ST3GAL3: variants seen among roughly 807,000 people sequenced by gnomAD.
The protein encoded by ST3GAL3 is ST3 beta-galactoside alpha-2,3-sialyltransferase 3.
Under a neutral mutation model 50.1 loss-of-function variants are expected in ST3GAL3, and 21 were observed. The observed-to-expected ratio is 0.42, with a 90% CI of 0.30 to 0.60. The LOEUF (loss-of-function observed/expected upper bound fraction) is 0.60. Among genes scored for constraint, ST3GAL3 ranks in the 20% least tolerant of loss-of-function variants. ST3GAL3 has a pLI of 0.19. For missense variants in ST3GAL3, 353 were observed against 489.4 expected (o/e 0.72, Z 2.63); for synonymous variants, 183 against 190.0 (o/e 0.96, Z 0.30).
At chr1:43,747,598 G>T (rs1439529248) in intron 2 of ST3GAL3, among the ~76,000 whole-genome samples, 1 of 121,056 alleles carries the variant, frequency 8.3e-6, no homozygotes. Flanking sequence ...ATGGAGTCTC[G>T]CTCTGTTGCC....
At chr1:43,918,179 C>T (rs72888771) in intron 9 of ST3GAL3, among the ~76,000 whole-genome samples, 7,209 of 136,158 alleles carry the variant, frequency 0.053, 584 homozygotes, top group African/African-American at 0.18. Flanking sequence ...TGTGCAGTGG[C>T]GTGATGATGA....
chr1:43,824,603 G>A (rs960631555), intron 4 of ST3GAL3: 4 of 1,071,824 alleles, frequency 3.7e-6, no homozygotes, highest in Admixed American at 3.4e-5. Flanking sequence ...GCATAGCATT[G>A]CAGGATTTGG....
intron 1 of ST3GAL3, among the ~76,000 whole-genome samples, chr1:43,730,038 C>T (rs535832258): frequency 1.3e-5 from 2 of 152,290 alleles, no homozygotes; most frequent in South Asian, 2.1e-4. Context: ...CACAGGATCT[C>T]GGGATATTGT....
At chr1:43,907,758 C>A (rs866865497) in intron 9 of ST3GAL3, among the ~76,000 whole-genome samples, 2 of 152,170 alleles carry the variant, frequency 1.3e-5, no homozygotes, top group East Asian at 1.9e-4. Flanking sequence ...TCCTTTCTCA[C>A]CTCTTTGCCG....
intron 3 of ST3GAL3, among the ~76,000 whole-genome samples, chr1:43,810,864 C>T (rs934015215): frequency 1.7e-4 from 26 of 152,062 alleles, no homozygotes; most frequent in African/African-American, 5.3e-4. Context: ...GGAGAGAGTA[C>T]AGGCAATAGA....
intron 2 of ST3GAL3, among the ~76,000 whole-genome samples, chr1:43,769,821 A>G (rs1393291540): frequency 6.6e-6 from 1 of 152,172 alleles, no homozygotes; most frequent in African/African-American, 2.4e-5. Flanking sequence ...TAGGTATAAA[A>G]GGATGTTGTA....
At chr1:43,759,104 C>A (rs1402514543) in intron 2 of ST3GAL3, among the ~76,000 whole-genome samples, 1 of 149,132 alleles carries the variant, frequency 6.7e-6, no homozygotes, top group Non-Finnish European at 1.5e-5. Context: ...CACACACACA[C>A]ACAGAAGGGG....
intron 5 of ST3GAL3, among the ~76,000 whole-genome samples, chr1:43,884,368 A>AATTC (rs753336666): frequency 1.3e-5 from 2 of 152,226 alleles, no homozygotes; most frequent in Admixed American, 6.5e-5. Flanking sequence ...TCTCCCATGG[A>AATTC]ATTCATTCAA....
intron 4 of ST3GAL3, among the ~76,000 whole-genome samples, chr1:43,815,398 G>A (rs959848200): frequency 1.3e-5 from 2 of 152,122 alleles, no homozygotes; most frequent in African/African-American, 4.8e-5. Context: ...CTTTGCATGT[G>A]CTTGTTATCT....
Position 43,878,894 on chromosome 1 carries a change from G to T in ST3GAL3, c.303-15489G>T, listed in dbSNP as rs56901852. 2,632 of 383,188 alleles carry T rather than the reference G, an allele frequency of 6.9e-3. 51 individuals are homozygous for T. Among genetic ancestry groups the T allele is most frequent in the African/African-American group, 0.051 (2,429 of 47,612 alleles). The allele number at this position is 383,188 out of a possible 1,614,324, so 23.7% of individuals were successfully genotyped here. On this transcript the variant is annotated intron_variant, in intron 5 of 11. Coordinates refer to ENST00000347631, the MANE Select transcript of ST3GAL3 (RefSeq NM_006279.5). The stretch of plus-strand genomic sequence containing the variant: ...TAGGCACAATTCTAAGTACTGGGGG[G>T]CATGACAGTGAACAGAATGGGCAGC...
At chr1:43,858,015 T>C in intron 5 of ST3GAL3, 1 of 622,816 alleles carries the variant, frequency 1.6e-6, no homozygotes, top group South Asian at 1.7e-5. Context: ...CGATCCCTCT[T>C]CACAGATGGT....
At chr1:43,763,708 A>G (rs1453834723) in intron 2 of ST3GAL3, among the ~76,000 whole-genome samples, 1 of 152,168 alleles carries the variant, frequency 6.6e-6, no homozygotes, top group Non-Finnish European at 1.5e-5. Flanking sequence ...TAGTTCTTCA[A>G]CTCACTTACT....
rs559916222 is a variant in ST3GAL3 at position 43,923,038 on chromosome 1, G to A, written c.1038+2110G>A. On this transcript the variant is annotated intron_variant, in intron 11 of 11. Coordinates refer to ENST00000347631, the MANE Select transcript of ST3GAL3 (RefSeq NM_006279.5). ...CAGGAGGTGGAGCTTGCAGTGAACC[G>A]AGATCACACCACTGCACTCTAGCCT... 1.6e-4 allele frequency among the ~76,000 whole-genome samples: 24 copies of A among 151,828 alleles called. No individual in the cohort carries two copies. The East Asian group carries it at 2.1e-3, about 14-fold the overall frequency.
At chr1:43,719,058 G>C (rs572527085) in intron 1 of ST3GAL3, 1 of 152,276 alleles carries the variant, frequency 6.6e-6, no homozygotes, top group African/African-American at 2.4e-5. Context: ...TCTGTTCTCT[G>C]TTTTTAAAAC....
At chr1:43,801,561 T>C in intron 3 of ST3GAL3, 3 of 349,596 alleles carry the variant, frequency 8.6e-6, no homozygotes, top group Non-Finnish European at 1.7e-5. Context: ...AAGTAATACT[T>C]ATGTGCTATA....
rs202083387 is a variant in ST3GAL3, at chr1:43,745,002, AAAAG to A, written c.118+8642_118+8645del. Among the ~76,000 whole-genome samples, 838 of 151,150 alleles carry A rather than the reference AAAAG, an allele frequency of 5.5e-3. 14 individuals are homozygous for A. Among genetic ancestry groups the A allele is most frequent in the African/African-American group, 0.018 (752 of 41,408 alleles). On this transcript the variant is annotated intron_variant, in intron 2 of 11. Coordinates refer to ENST00000347631, the MANE Select transcript of ST3GAL3 (RefSeq NM_006279.5). ...TGAAACTGTGTTTGAAAAAAAAGAA[AAAAG>A]AAAGAAAGAAAGAAAGAAAAATAGG... is the stretch of plus-strand genomic sequence containing the variant.
chr1:43,782,492 C>G (rs75146822), intron 2 of ST3GAL3, among the ~76,000 whole-genome samples: 92 of 152,268 alleles, frequency 6.0e-4, no homozygotes, highest in African/African-American at 2.1e-3. Flanking sequence ...TACTTTTACT[C>G]AATAAAATCC....
chr1:43,777,031 A>G (rs894366563), intron 2 of ST3GAL3, among the ~76,000 whole-genome samples: 5 of 152,200 alleles, frequency 3.3e-5, no homozygotes, highest in Non-Finnish European at 5.9e-5. Context: ...TAATGACTTC[A>G]GAGTCTCATC....
At chr1:43,709,496 A>G (rs1663478388) in intron 1 of ST3GAL3, 1 of 151,402 alleles carries the variant, frequency 6.6e-6, no homozygotes, top group Non-Finnish European at 1.5e-5. Flanking sequence ...CGATCCTCCC[A>G]CCTCAGCTTC....
Sources: gnomAD v4.1 joint callset for allele counts (sites outside exome capture counted in the v4.1 genomes callset) on GRCh38, gnomAD v4.1.1 for gene constraint, MANE v1.5 for transcripts, NCBI Gene and HGNC (gene_info 2026-07-23, HGNC 2026-07-21) for gene names.